Variants in CCDC192 observed in about 807,000 individuals in gnomAD.
CCDC192 encodes the protein coiled-coil domain-containing protein 192.
chr5:127,914,398 A>G (rs1753458788), intron 6 of CCDC192, among the ~76,000 whole-genome samples: 1 of 152,204 alleles, frequency 6.6e-6, no homozygotes, highest in South Asian at 2.1e-4. Flanking sequence ...ACAATATTCT[A>G]GTATCAAATA....
chr5:127,920,567 C>T (rs1432471033), intron 6 of CCDC192, among the ~76,000 whole-genome samples: 7 of 151,796 alleles, frequency 4.6e-5, no homozygotes, highest in Non-Finnish European at 7.4e-5. Flanking sequence ...CTTGCCACCA[C>T]ACCTGGCTAA....
intron 3 of CCDC192, among the ~76,000 whole-genome samples, chr5:127,764,635 CT>C (rs1237425352): frequency 4.5e-4 from 69 of 152,134 alleles, no homozygotes; most frequent in Non-Finnish European, 7.4e-4. Context: ...TCCTTTAACT[CT>C]GGGGTGTCTA....
At chr5:127,774,163 C>A (rs939040386) in intron 3 of CCDC192, among the ~76,000 whole-genome samples, 2 of 151,838 alleles carry the variant, frequency 1.3e-5, no homozygotes, top group Non-Finnish European at 2.9e-5. Flanking sequence ...GCATACTAAA[C>A]CTTTATCATA....
rs569554510 is a variant in CCDC192, at chr5:127,894,634, A to G, written c.535+18973A>G. Among the ~76,000 whole-genome samples the G allele has an allele frequency of 3.3e-5, 5 of 152,334 alleles. No homozygotes were observed. The South Asian group carries it at 1.0e-3, about 32-fold the overall frequency. ...TCCCTTTGAAAATGAATAAGAATCT[A>G]AATCTATAAAGGAATGCTAAGTAAC... On this transcript the variant is annotated intron_variant, in intron 6 of 6. Transcript: ENST00000514853.
intron 2 of CCDC192, among the ~76,000 whole-genome samples, chr5:127,746,957 T>G (rs192776628): frequency 2.9e-4 from 44 of 152,198 alleles, no homozygotes; most frequent in African/African-American, 1.0e-3. Context: ...ACCAGATGGC[T>G]CTATTGTATC....
chr5:127,869,745 G>T (rs1364479442), intron 5 of CCDC192, among the ~76,000 whole-genome samples: 1 of 152,192 alleles, frequency 6.6e-6, no homozygotes, highest in East Asian at 1.9e-4. Flanking sequence ...CTTATAGTGA[G>T]TCAGGTTGTT....
chr5:127,906,916 T>A (rs1276723144), intron 6 of CCDC192, among the ~76,000 whole-genome samples: 1 of 152,218 alleles, frequency 6.6e-6, no homozygotes, highest in Non-Finnish European at 1.5e-5. Context: ...TGGCACATCA[T>A]TTTTCACAGC....
chr5:127,876,389 A>G (rs1752080403), intron 6 of CCDC192, among the ~76,000 whole-genome samples: 2 of 152,150 alleles, frequency 1.3e-5, no homozygotes, highest in Admixed American at 1.3e-4. Context: ...AGGTAAGTAC[A>G]TTTAAGAATT....
chr5:127,741,921 G>C (rs1267395032), intron 2 of CCDC192, among the ~76,000 whole-genome samples: 4 of 152,106 alleles, frequency 2.6e-5, no homozygotes, highest in Non-Finnish European at 5.9e-5. Context: ...AAGCCCTAAA[G>C]CACAAAGCAG....
At chr5:127,866,807 C>A (rs967150711) in intron 5 of CCDC192, among the ~76,000 whole-genome samples, 4 of 152,078 alleles carry the variant, frequency 2.6e-5, no homozygotes, top group African/African-American at 7.2e-5. Flanking sequence ...AACTCTGCCA[C>A]AAGAAAGCTG....
rs17211683 is a variant in CCDC192 at position 127,896,004 on chromosome 5, A to G, written c.535+20343A>G. Among the ~76,000 whole-genome samples, 1,470 of 152,322 alleles carry G rather than the reference A, an allele frequency of 9.7e-3. 8 individuals are homozygous for G. The highest frequency in any genetic ancestry group is 0.015 in the Non-Finnish European group (1,007 of 68,036). On this transcript the variant is annotated intron_variant, in intron 6 of 6. Transcript: ENST00000514853. ...ATTTGAATCTTTAATGTTAACATACATAAGAGTCCACTTGGTGGAATTTAA... is the reference window on the plus strand; with the variant it reads ...ATTTGAATCTTTAATGTTAACATACGTAAGAGTCCACTTGGTGGAATTTAA...
chr5:127,729,603 C>T (rs1017806671), intron 2 of CCDC192, among the ~76,000 whole-genome samples: 4 of 152,086 alleles, frequency 2.6e-5, no homozygotes, highest in African/African-American at 9.7e-5. Flanking sequence ...ACTCTAAAAT[C>T]AGTCACATAA....
chr5:127,876,063 A>ATTTTT (rs55862955), intron 6 of CCDC192, among the ~76,000 whole-genome samples: 16 of 128,794 alleles, frequency 1.2e-4, no homozygotes, highest in African/African-American at 3.3e-4. Context: ...AGAGAACAGA[A>ATTTTT]TTTTTTTTTT....
At chr5:127,718,488 T>C in intron 2 of CCDC192, among the ~76,000 whole-genome samples, 1 of 135,404 alleles carries the variant, frequency 7.4e-6, no homozygotes, top group East Asian at 2.3e-4. Context: ...GCATACTAAT[T>C]TGTGCTGTGT....
chr5:127,752,502 A>T (rs182462967), intron 2 of CCDC192, among the ~76,000 whole-genome samples: 12 of 152,314 alleles, frequency 7.9e-5, no homozygotes, highest in African/African-American at 2.6e-4. Flanking sequence ...TGGAAGAACC[A>T]CTGCTCTCTT....
In CCDC192 at chr5:127,724,721, C is replaced by T. The variant is rs138935212; in HGVS notation, c.114+16961C>T. Among the ~76,000 whole-genome samples, 259 of 151,964 alleles carry T rather than the reference C, an allele frequency of 1.7e-3. 1 individual carries two copies. The East Asian group carries it at 0.037, about 22-fold the overall frequency. On this transcript the variant is annotated intron_variant, in intron 2 of 6. Transcript: ENST00000514853. ...AAAATTATCAGGGTGTGGTGGCACG[C>T]GCCTGTAGTCCCAGCTACCTGGGAG...
At chr5:127,845,405 A>G (rs114607115) in intron 5 of CCDC192, among the ~76,000 whole-genome samples, 1 of 152,212 alleles carries the variant, frequency 6.6e-6, no homozygotes, top group African/African-American at 2.4e-5. Context: ...AGTCTTAAGC[A>G]TATTTATAGC....
chr5:127,847,313 A>C (rs1005382816), intron 5 of CCDC192, among the ~76,000 whole-genome samples: 2 of 152,020 alleles, frequency 1.3e-5, no homozygotes, highest in Non-Finnish European at 2.9e-5. Context: ...TCCATTATTA[A>C]CTCATCTTCC....
intron 2 of CCDC192, among the ~76,000 whole-genome samples, chr5:127,738,300 G>A (rs1483404530): frequency 1.2e-4 from 16 of 132,002 alleles, no homozygotes; most frequent in African/African-American, 4.2e-4. Context: ...CAAGAGATCC[G>A]CTGTTAGTCT....
Sources: allele counts gnomAD v4.1 joint callset (sites outside exome capture counted in the v4.1 genomes callset), GRCh38; gene constraint gnomAD v4.1.1; transcripts MANE v1.5; gene names NCBI Gene and HGNC (gene_info 2026-07-23, HGNC 2026-07-21).